Variants in SMAP1 observed in about 807,000 individuals in gnomAD.
SMAP1 encodes small ArfGAP 1.
A neutral mutation model predicts 58.5 loss-of-function variants in SMAP1; 24 were observed. The ratio of observed to expected loss-of-function variants is 0.41; its 90% confidence interval spans 0.30 to 0.58. The LOEUF is 0.58. Among genes scored for constraint, SMAP1 ranks in the 20% least tolerant of loss-of-function variants. The pLI, the probability that SMAP1 is intolerant of heterozygous loss-of-function variation, is 0.29. For synonymous variants in SMAP1, 216 were observed against 196.6 expected (o/e 1.10, Z -0.82); for missense variants, 563 against 566.3 (o/e 0.99, Z 0.06).
At chr6:70,681,046 A>C (rs1766688289) in intron 1 of SMAP1, among the ~76,000 whole-genome samples, 1 of 152,020 alleles carries the variant, frequency 6.6e-6, no homozygotes, top group South Asian at 2.1e-4. Context: ...ATTAAATAAA[A>C]GGATAAAACT....
chr6:70,813,450 G>A (rs1304572836), intron 6 of SMAP1, among the ~76,000 whole-genome samples: 2 of 151,784 alleles, frequency 1.3e-5, no homozygotes, highest in African/African-American at 4.8e-5. Context: ...AATTCTGTTA[G>A]ATGCTTCTCT....
rs569520907 is a variant in SMAP1 at position 70,860,259 on chromosome 6, C to T, written c.1329C>T (p.Gly443=). Residue 443 remains glycine, a synonymous_variant, in exon 11 of 11, where the codon GGC becomes GGT. Coordinates refer to ENST00000370455, the MANE Select transcript of SMAP1 (RefSeq NM_001044305.3). ...GTGCAACCCCTACTGCAGGTTTTGG[C>T]CAGCCCTCCAGCACAACAGCAGGAT... ...ISSATPTAGF[G]QPSSTTAGWS... is the part of the protein sequence containing the mutation. 1.9e-6 allele frequency: 3 copies of T among 1,613,562 alleles called. No individual in the cohort carries two copies. The highest frequency in any genetic ancestry group is 2.7e-5 in the African/African-American group (2 of 75,012).
chr6:70,741,982 G>A (rs1219495606), intron 2 of SMAP1, among the ~76,000 whole-genome samples: 3 of 152,180 alleles, frequency 2.0e-5, no homozygotes, highest in Admixed American at 6.5e-5. Context: ...GGGATGCAGG[G>A]TACCAAGTCC....
chr6:70,738,974 A>G (rs189876177), intron 2 of SMAP1, among the ~76,000 whole-genome samples: 1 of 152,262 alleles, frequency 6.6e-6, no homozygotes. Context: ...AAGGACATTA[A>G]TTTTTCAAAT....
chr6:70,782,458 C>A (rs994407707), intron 4 of SMAP1, among the ~76,000 whole-genome samples: 5 of 152,124 alleles, frequency 3.3e-5, no homozygotes, highest in Non-Finnish European at 7.4e-5. Flanking sequence ...TTTAGTTGAA[C>A]AAAGAATACT....
At chr6:70,723,313 T>A (rs1157770097) in intron 1 of SMAP1, among the ~76,000 whole-genome samples, 1 of 152,194 alleles carries the variant, frequency 6.6e-6, no homozygotes, top group Non-Finnish European at 1.5e-5. Context: ...TTCTTAAACA[T>A]ACATTAAACA....
At chr6:70,770,844 G>A (rs538672014) in intron 3 of SMAP1, among the ~76,000 whole-genome samples, 1 of 152,282 alleles carries the variant, frequency 6.6e-6, no homozygotes, top group African/African-American at 2.4e-5. Context: ...AGAGTTTCCA[G>A]TTTTTCTGCT....
At position 70,830,843 on chromosome 6, in the gene SMAP1, G is replaced by A. The variant is rs1770328918; in HGVS notation, c.577-6098G>A. On this transcript the variant is annotated intron_variant, in intron 6 of 10. Coordinates refer to ENST00000370455, the MANE Select transcript of SMAP1 (RefSeq NM_001044305.3). Reference sequence around the variant, plus strand: ...TAAAGAAAGACAAAGAGAATCAAATGTGCTTTGCTGTAGAAACTAAGTAGA... The same window carrying A: ...TAAAGAAAGACAAAGAGAATCAAATATGCTTTGCTGTAGAAACTAAGTAGA... Among the ~76,000 whole-genome samples the A allele has an allele frequency of 3.3e-5, 5 of 152,194 alleles. No homozygotes were observed. In the South Asian group the frequency reaches 1.0e-3, roughly 31 times the overall value.
At chr6:70,841,416 C>G (rs1373679537) in intron 7 of SMAP1, among the ~76,000 whole-genome samples, 2 of 152,142 alleles carry the variant, frequency 1.3e-5, no homozygotes, top group African/African-American at 4.8e-5. Flanking sequence ...GGACCGCATC[C>G]TCTCAGTGCC....
chr6:70,753,299 T>G (rs1199184403), intron 2 of SMAP1, among the ~76,000 whole-genome samples: 1 of 152,200 alleles, frequency 6.6e-6, no homozygotes, highest in Non-Finnish European at 1.5e-5. Flanking sequence ...AACTTTTCTG[T>G]TAAAATTTCT....
chr6:70,785,163 TC>T (rs1767953852), intron 4 of SMAP1, among the ~76,000 whole-genome samples: 1 of 152,082 alleles, frequency 6.6e-6, no homozygotes, highest in South Asian at 2.1e-4. Flanking sequence ...TCGAAACCGC[TC>T]AGCTACATGG....
chr6:70,727,184 T>G (rs1454537445), intron 1 of SMAP1, among the ~76,000 whole-genome samples: 5 of 152,256 alleles, frequency 3.3e-5, no homozygotes, highest in Admixed American at 1.3e-4. Flanking sequence ...CTCGGCTCAC[T>G]GCAACCTCTG....
chr6:70,670,669 T>G (rs1032712796), intron 1 of SMAP1, among the ~76,000 whole-genome samples: 2 of 152,232 alleles, frequency 1.3e-5, no homozygotes, highest in African/African-American at 2.4e-5. Context: ...GTAAATTGCA[T>G]CAAACTTTTC....
intron 3 of SMAP1, among the ~76,000 whole-genome samples, chr6:70,758,429 G>A (rs1173649167): frequency 6.7e-6 from 1 of 150,320 alleles, no homozygotes; most frequent in Non-Finnish European, 1.5e-5. Flanking sequence ...TAGATGACGA[G>A]TTAGTGGGTG....
chr6:70,709,480 C>A (rs1767968307), intron 1 of SMAP1, among the ~76,000 whole-genome samples: 1 of 152,096 alleles, frequency 6.6e-6, no homozygotes, highest in Admixed American at 6.6e-5. Flanking sequence ...GTGTGTGCCA[C>A]TGTGCCTGGT....
At chr6:70,674,208 G>T (rs1399187167) in intron 1 of SMAP1, among the ~76,000 whole-genome samples, 7 of 151,760 alleles carry the variant, frequency 4.6e-5, no homozygotes, top group Admixed American at 2.6e-4. Context: ...TCCCTCCTTG[G>T]TTCAAGCAAT....
intron 1 of SMAP1, among the ~76,000 whole-genome samples, chr6:70,725,477 C>G (rs985641850): frequency 2.6e-5 from 4 of 151,950 alleles, no homozygotes; most frequent in Admixed American, 6.6e-5. Flanking sequence ...GTATAGCTGA[C>G]CATGAGCAGT....
chr6:70,859,862 T>C (rs1771630160), intron 10 of SMAP1: 1 of 197,246 alleles, frequency 5.1e-6, no homozygotes, highest in African/African-American at 2.3e-5. Context: ...CTATTTTACT[T>C]CCTAAAATTT....
intron 1 of SMAP1, among the ~76,000 whole-genome samples, chr6:70,704,063 AC>A (rs1360985394): frequency 2.3e-4 from 35 of 152,242 alleles, no homozygotes; most frequent in Non-Finnish European, 5.9e-5. Flanking sequence ...TGGTTAGAAA[AC>A]AACTCAATAT....
Sources: gnomAD v4.1 joint callset for allele counts (sites outside exome capture counted in the v4.1 genomes callset) on GRCh38, gnomAD v4.1.1 for gene constraint, MANE v1.5 for transcripts, NCBI Gene and HGNC (gene_info 2026-07-23, HGNC 2026-07-21) for gene names.